L3HYPDH: variants seen among roughly 807,000 people sequenced by gnomAD.
The protein encoded by L3HYPDH is trans-L-3-hydroxyproline dehydratase.
A neutral mutation model predicts 26.5 loss-of-function variants in L3HYPDH; 32 were observed. The observed-to-expected ratio is 1.21, with a 90% CI of 0.91 to 1.62. The LOEUF (loss-of-function observed/expected upper bound fraction) is 1.62, where lower values mean the gene tolerates loss of function less well. Ranked by LOEUF, L3HYPDH falls within the 40% of genes most tolerant of loss-of-function variation. L3HYPDH has a pLI of 0.00. For synonymous variants in L3HYPDH, 215 were observed against 196.6 expected, an observed-to-expected ratio of 1.09 and a Z score of -0.78; for missense variants, 554 against 476.4, an observed-to-expected ratio of 1.16 and a Z score of -1.52.
intron 1 of L3HYPDH, among the ~76,000 whole-genome samples, chr14:59,483,220 T>A (rs538174688): frequency 3.3e-5 from 5 of 152,312 alleles, no homozygotes; most frequent in African/African-American, 1.2e-4. Context: ...TTGCCTAAGG[T>A]TGCACAGCTT....
intron 4 of L3HYPDH, 133 bp downstream of exon 4, chr14:59,475,731 TGAAAA>T: frequency 1.1e-6 from 1 of 941,520 alleles, no homozygotes; most frequent in Non-Finnish European, 1.6e-6. Context: ...ATGTCCTAGT[TGAAAA>T]GAAGTTTTTA....
intron 1 of L3HYPDH, among the ~76,000 whole-genome samples, chr14:59,480,196 T>C (rs557329231): frequency 2.0e-5 from 3 of 152,356 alleles, no homozygotes; most frequent in South Asian, 2.1e-4. Flanking sequence ...AAGACATCTG[T>C]TGGCAAAGGA....
chr14:59,473,190 C>A, intron 4 of L3HYPDH, 100 bp from the exon 5 acceptor site: 1 of 1,155,580 alleles, frequency 8.7e-7, no homozygotes, highest in Non-Finnish European at 1.2e-6. Flanking sequence ...AAGGAAAGGC[C>A]AAGGGTTAAT....
chr14:59,491,121 G>T, the L3HYPDH span, among the ~76,000 whole-genome samples: 25 of 152,350 alleles, frequency 1.6e-4, no homozygotes, highest in East Asian at 4.6e-3. Flanking sequence ...GGGGCTGGAG[G>T]TGTCTTAACA....
the L3HYPDH span, among the ~76,000 whole-genome samples, chr14:59,503,082 A>T: frequency 6.6e-6 from 1 of 151,438 alleles, no homozygotes; most frequent in South Asian, 2.1e-4. Flanking sequence ...GTTAAGAATT[A>T]GCTATACACT....
chr14:59,483,667 G>A, intron 1 of L3HYPDH, 142 bp downstream of exon 1: 1 of 1,452,060 alleles, frequency 6.9e-7, no homozygotes, highest in Non-Finnish European at 9.0e-7. Context: ...GACACACGTT[G>A]GCAGTGATTT....
the L3HYPDH span, among the ~76,000 whole-genome samples, chr14:59,492,610 G>A: frequency 6.6e-6 from 1 of 152,192 alleles, no homozygotes; most frequent in Non-Finnish European, 1.5e-5. Flanking sequence ...AGGATCATTT[G>A]TATCATAAGC....
rs1239966151 is a variant in L3HYPDH at position 59,484,146 on chromosome 14, G to T, written c.171C>A (p.His57Gln). ...TGAGCCGTCGCCGCACGTGGTCAAG[G>T]TGCTGGCGCATGTAGCGCCGCTTGG... ...LLAKRRYMRQ[H>Q]LDHVRRRLMF... The change falls in exon 1 of 5, where the codon CAC becomes CAA. Residue 57 changes from histidine (H) to glutamine (Q), a missense_variant. Coordinates refer to ENST00000247194, the MANE Select transcript of L3HYPDH (RefSeq NM_144581.2). 9 of 1,601,572 alleles carry T rather than the reference G, an allele frequency of 5.6e-6. No homozygotes were observed. Among genetic ancestry groups the T allele is most frequent in the Non-Finnish European group, 7.6e-6 (9 of 1,179,310 alleles).
Position 59,484,381 on chromosome 14 carries a change from T to A in L3HYPDH, c.-65A>T, listed in dbSNP as rs1309023684. 3 of 1,492,094 alleles carry A rather than the reference T, an allele frequency of 2.0e-6. No individual in the cohort carries two copies. The highest frequency in any genetic ancestry group is 2.8e-5 in the African/African-American group (2 of 72,360). 92.4% of individuals were successfully genotyped at this position (1,492,094 alleles called of 1,614,324 possible). ...GGCTTCAAGCCCGACCCTCACCCAC[T>A]GACTCCGCGGGAGGAGGGCGGGACG... On this transcript the variant is annotated 5_prime_UTR_variant, in exon 1 of 5. Transcript: ENST00000247194.
downstream of L3HYPDH, among the ~76,000 whole-genome samples, chr14:59,468,874 G>C (rs1348434241): frequency 6.6e-6 from 1 of 152,230 alleles, no homozygotes; most frequent in African/African-American, 2.4e-5. Flanking sequence ...CAGTGAAGAA[G>C]GAGAGGTCAT....
chr14:59,494,924 T>C, the L3HYPDH span: 25 of 878,234 alleles, frequency 2.8e-5, no homozygotes, highest in Admixed American at 5.7e-4. Flanking sequence ...TCTTATAGAT[T>C]TAGAAATCTG....
At chr14:59,486,753 G>C, upstream of L3HYPDH, 1 of 1,596,332 alleles carries the variant, frequency 6.3e-7, no homozygotes, top group Non-Finnish European at 8.5e-7. Flanking sequence ...TTTATTGTGG[G>C]AAGACCCTAT....
chr14:59,483,253 A>C (rs1229309522), intron 1 of L3HYPDH, among the ~76,000 whole-genome samples: 1 of 152,222 alleles, frequency 6.6e-6, no homozygotes, highest in Non-Finnish European at 1.5e-5. Context: ...AGGATTTGAA[A>C]CCAGGCAATG....
chr14:59,503,208 C>T, the L3HYPDH span, among the ~76,000 whole-genome samples: 2 of 152,124 alleles, frequency 1.3e-5, no homozygotes, highest in Non-Finnish European at 2.9e-5. Context: ...AAAAAGACAG[C>T]TTAGTACTGG....
chr14:59,498,514 A>G, the L3HYPDH span, among the ~76,000 whole-genome samples: 1 of 152,204 alleles, frequency 6.6e-6, no homozygotes. Flanking sequence ...TTTTTGGTAC[A>G]TATTTCCAGA....
downstream of L3HYPDH, among the ~76,000 whole-genome samples, chr14:59,471,553 A>G (rs115883312): frequency 3.9e-3 from 600 of 152,330 alleles, 3 homozygotes; most frequent in African/African-American, 0.013. Context: ...AAAATCAACT[A>G]AAAGTCTTTT....
downstream of L3HYPDH, among the ~76,000 whole-genome samples, chr14:59,469,141 G>A (rs2139790847): frequency 6.6e-6 from 1 of 152,300 alleles, no homozygotes; most frequent in South Asian, 2.1e-4. Context: ...CAGACCTTAT[G>A]TCATTTCTCA....
At chr14:59,475,689 C>T (rs879824515) in intron 4 of L3HYPDH, among the ~76,000 whole-genome samples, 180 bp downstream of exon 4, 7 of 152,122 alleles carry the variant, frequency 4.6e-5, no homozygotes, top group Non-Finnish European at 1.0e-4. Flanking sequence ...CTTAGGGGCC[C>T]GCTGGGGCCC....
At position 59,476,154 on chromosome 14, in the gene L3HYPDH, C is replaced by G; in HGVS notation, c.739G>C (p.Asp247His). 6.2e-7 allele frequency: 1 copy of G among 1,613,696 alleles called. No individual in the cohort carries two copies. Among genetic ancestry groups the G allele is most frequent in the Non-Finnish European group, 8.5e-7 (1 of 1,179,658 alleles). The change falls in exon 3 of 5, where the codon GAT (aspartate) becomes CAT (histidine). Residue 247 changes from aspartate (D) to histidine (H), a missense_variant. Coordinates refer to ENST00000247194, the MANE Select transcript of L3HYPDH (RefSeq NM_144581.2). ...LAFLYGTILT[D>H]GKDAYTKEPT... Reference sequence around the variant, plus strand: ...TCCTTGGTATAAGCATCTTTTCCATCTGTTAATATAGTTCCATATAAAAAG... The same window carrying G: ...TCCTTGGTATAAGCATCTTTTCCATGTGTTAATATAGTTCCATATAAAAAG...
Sources: gnomAD v4.1 joint callset for allele counts (sites outside exome capture counted in the v4.1 genomes callset) on GRCh38, gnomAD v4.1.1 for gene constraint, MANE v1.5 for transcripts, NCBI Gene and HGNC (gene_info 2026-07-23, HGNC 2026-07-21) for gene names.